Variants in FAM193A observed in about 807,000 individuals in gnomAD.
FAM193A encodes family with sequence similarity 193 member A.
Under a neutral mutation model 126.5 loss-of-function variants are expected in FAM193A, and 22 were observed. That is an observed-to-expected ratio of 0.17 (90% CI 0.12 to 0.25). The LOEUF is 0.25. Ranked by LOEUF, FAM193A falls within the 10% of genes least tolerant of loss-of-function variation. FAM193A has a pLI of 1.00. For synonymous variants in FAM193A, 761 were observed against 646.8 expected (o/e 1.18, Z -2.68); for missense variants, 1,675 against 1,672.8 (o/e 1.00, Z -0.02).
chr4:2,597,368 C>T (rs1280806892), intron 2 of FAM193A, among the ~76,000 whole-genome samples: 2 of 151,952 alleles, frequency 1.3e-5, no homozygotes, highest in Non-Finnish European at 1.5e-5. Context: ...TTACCAATAC[C>T]ATTTTCTTTG....
chr4:2,599,039 G>T (rs984896894), intron 2 of FAM193A, among the ~76,000 whole-genome samples: 1 of 152,128 alleles, frequency 6.6e-6, no homozygotes, highest in Non-Finnish European at 1.5e-5. Context: ...TGTGGCACAC[G>T]CCTTTCTCCA....
intron 1 of FAM193A, among the ~76,000 whole-genome samples, chr4:2,578,328 A>G (rs990959844): frequency 2.0e-5 from 3 of 151,938 alleles, no homozygotes; most frequent in African/African-American, 7.3e-5. Context: ...CTTGTGTTTG[A>G]AATTTCATCA....
chr4:2,556,861 T>TA (rs1738291233), intron 1 of FAM193A, among the ~76,000 whole-genome samples: 1 of 152,172 alleles, frequency 6.6e-6, no homozygotes, highest in Non-Finnish European at 1.5e-5. Context: ...CCATGTTAGA[T>TA]AGAGCTTGAA....
At chr4:2,628,845 G>GTC (rs199567911) in intron 4 of FAM193A, among the ~76,000 whole-genome samples, 1 of 127,462 alleles carries the variant, frequency 7.8e-6, no homozygotes, top group African/African-American at 2.6e-5. Context: ...GCATATTGCT[G>GTC]TCTCTCTCTT....
At chr4:2,704,385 T>C (rs1258382570) in intron 19 of FAM193A, among the ~76,000 whole-genome samples, 1 of 151,868 alleles carries the variant, frequency 6.6e-6, no homozygotes, top group East Asian at 1.9e-4. Context: ...GACCAACATG[T>C]GGAACCCTGT....
chr4:2,676,979 T>C (rs1475025149), intron 13 of FAM193A, among the ~76,000 whole-genome samples: 1 of 152,186 alleles, frequency 6.6e-6, no homozygotes, highest in African/African-American at 2.4e-5. Context: ...ATTTGTCTAT[T>C]CTTTGTTGCC....
chr4:2,548,011 C>T (rs1321036608), intron 1 of FAM193A, among the ~76,000 whole-genome samples: 3 of 151,436 alleles, frequency 2.0e-5, no homozygotes, highest in Admixed American at 2.0e-4. Flanking sequence ...AACATGTTTC[C>T]TGTGTTTATT....
Position 2,663,361 on chromosome 4 carries a change from GA to G in FAM193A, c.2079+75del, listed in dbSNP as rs1266169144. 3.3e-6 allele frequency: 4 copies of G among 1,199,234 alleles called. No individual in the cohort carries two copies. The African/African-American group carries it at 6.1e-5, about 18-fold the overall frequency. 74.3% of individuals were successfully genotyped at this position (1,199,234 alleles called of 1,614,324 possible). A position where few individuals can be genotyped will look rare whatever the true frequency, so the allele number is the denominator to read the frequency against. On this transcript the variant is annotated intron_variant, in intron 12 of 20. Coordinates refer to ENST00000637812, the MANE Select transcript of FAM193A (RefSeq NM_001366318.2). Reference sequence around the variant, plus strand: ...ATTTTCTCTAAACATGAGCATTACTGAATACAAAATTATTTTGTTTCCCATA... The same window carrying G: ...ATTTTCTCTAAACATGAGCATTACTGATACAAAATTATTTTGTTTCCCATA...
chr4:2,707,582 A>G (rs1718446798), intron 19 of FAM193A, among the ~76,000 whole-genome samples: 1 of 152,098 alleles, frequency 6.6e-6, no homozygotes, highest in South Asian at 2.1e-4. Context: ...TTAAATCATA[A>G]TATTTTGGAT....
At chr4:2,667,924 G>T (rs1713310266) in intron 12 of FAM193A, among the ~76,000 whole-genome samples, 1 of 151,924 alleles carries the variant, frequency 6.6e-6, no homozygotes, top group South Asian at 2.1e-4. Flanking sequence ...TTTTCTTAGA[G>T]ACAGGGTCTT....
intron 19 of FAM193A, among the ~76,000 whole-genome samples, chr4:2,707,159 G>A (rs1718407143): frequency 6.6e-6 from 1 of 151,998 alleles, no homozygotes; most frequent in Non-Finnish European, 1.5e-5. Flanking sequence ...TCTTTGTCAG[G>A]ATTCCATTAC....
chr4:2,621,560 G>A lies in FAM193A; in HGVS notation c.502-3702G>A, dbSNP rs559589322. Among the ~76,000 whole-genome samples the A allele has an allele frequency of 2.6e-5, 4 of 152,330 alleles. No homozygotes were observed. The East Asian group carries it at 5.8e-4, about 22-fold the overall frequency. Reference sequence around the variant, plus strand: ...AAGTGGAGGAGAACAGAGGTTTTATGTAGGGAGCTCTGTGATCTCACTCTG... The same window carrying A: ...AAGTGGAGGAGAACAGAGGTTTTATATAGGGAGCTCTGTGATCTCACTCTG... On this transcript the variant is annotated intron_variant, in intron 2 of 20. Transcript: ENST00000637812.
Position 2,596,312 on chromosome 4 carries a change from G to A in FAM193A, c.484G>A (p.Gly162Ser), listed in dbSNP as rs955426644. 1.7e-5 allele frequency: 12 copies of A among 702,414 alleles called. No homozygotes were observed. The highest frequency in any genetic ancestry group is 2.6e-5 in the Non-Finnish European group (10 of 384,960). 43.5% of individuals were successfully genotyped at this position (702,414 alleles called of 1,614,324 possible). A position where few individuals can be genotyped will look rare whatever the true frequency, so the allele number is the denominator to read the frequency against. ...CGTGGAGAAGGAGGAGAGGCATGGC[G>A]GCCTTGACCAGCCAGTGGTGAGTGG... ...RTVEKEERHGGLDQPVSQDFL... is the reference protein window; with the variant it reads ...RTVEKEERHGSLDQPVSQDFL... Residue 162 changes from glycine to serine, a missense_variant, in exon 2 of 21, where the codon GGC (glycine) becomes AGC (serine). Gly to Ser is a moderately conservative substitution (Grantham distance 56). This residue lies in a region of FAM193A where 1,186 missense variants were observed against 1,109.2 expected (regional missense o/e 1.07). Coordinates refer to ENST00000637812, the MANE Select transcript of FAM193A (RefSeq NM_001366318.2).
intron 15 of FAM193A, among the ~76,000 whole-genome samples, chr4:2,691,862 C>G (rs948022512): frequency 4.0e-5 from 6 of 151,692 alleles, no homozygotes; most frequent in African/African-American, 1.5e-4. Context: ...GATGCTCAAA[C>G]AGAGCAGTAG....
At chr4:2,631,617 G>A (rs1409040533) in intron 5 of FAM193A, among the ~76,000 whole-genome samples, 6 of 152,216 alleles carry the variant, frequency 3.9e-5, no homozygotes, top group African/African-American at 7.2e-5. Context: ...GCCCAGTGGC[G>A]TTCATTCATT....
chr4:2,603,240 C>T (rs1016672445), intron 2 of FAM193A, among the ~76,000 whole-genome samples: 1 of 148,756 alleles, frequency 6.7e-6, no homozygotes, highest in Non-Finnish European at 1.5e-5. Flanking sequence ...CCACCTCGGC[C>T]TCCTGATTGC....
At chr4:2,612,424 A>G (rs541347511) in intron 2 of FAM193A, among the ~76,000 whole-genome samples, 1 of 152,090 alleles carries the variant, frequency 6.6e-6, no homozygotes, top group East Asian at 2.0e-4. Flanking sequence ...ACTTGAACCC[A>G]GGAGGTGGAG....
chr4:2,603,451 ATTTTTTTTTT>A (rs71178489), intron 2 of FAM193A, among the ~76,000 whole-genome samples: 1 of 99,294 alleles, frequency 1.0e-5, no homozygotes, highest in Non-Finnish European at 1.9e-5. Flanking sequence ...CGCCCAGCTA[ATTTTTTTTTT>A]TTTTTTTTTT....
intron 2 of FAM193A, among the ~76,000 whole-genome samples, chr4:2,616,951 C>T (rs1742224681): frequency 6.9e-6 from 1 of 145,838 alleles, no homozygotes; most frequent in African/African-American, 2.5e-5. Flanking sequence ...GGCGGATTAC[C>T]CAAGCTCAGG....
Sources: gnomAD v4.1 joint callset for allele counts (sites outside exome capture counted in the v4.1 genomes callset) on GRCh38, gnomAD v4.1.1 for gene constraint, gnomAD v4.1.1 regional missense constraint, MANE v1.5 for transcripts, NCBI Gene and HGNC (gene_info 2026-07-23, HGNC 2026-07-21) for gene names.